The following SLC12A6 variants were observed in gnomAD, a reference collection of about 807,000 sequenced individuals.
SLC12A6 encodes K-Cl cotransporter 3.
A neutral mutation model predicts 135.3 loss-of-function variants in SLC12A6; 66 were observed. The observed-to-expected ratio is 0.49, with a 90% CI of 0.40 to 0.60. SLC12A6 has a LOEUF of 0.60. Ranked by LOEUF, SLC12A6 falls within the 20% of genes least tolerant of loss-of-function variation. The pLI, the probability that SLC12A6 is intolerant of heterozygous loss-of-function variation, is 0.00. For missense variants in SLC12A6, 1,058 were observed against 1,452.3 expected, an observed-to-expected ratio of 0.73 and a Z score of 4.41; for synonymous variants, 513 against 508.8, an observed-to-expected ratio of 1.01 and a Z score of -0.11.
In SLC12A6 at chr15:34,265,175, C is replaced by T. The variant is rs559769416; in HGVS notation, c.317-4155G>A. Among the ~76,000 whole-genome samples, 5 of 152,154 alleles carry T rather than the reference C, an allele frequency of 3.3e-5. 1 individual carries two copies. The highest frequency in any genetic ancestry group is 6.8e-3 in the Middle Eastern group (2 of 294). On this transcript the variant is annotated intron_variant, in intron 3 of 25. Transcript: ENST00000354181. Reference sequence around the variant, plus strand: ...TCGTGCCACTGCACTCCAGCCTGGGCGACAGAGCGAGACTCCGTCTCAAAA... The same window carrying T: ...TCGTGCCACTGCACTCCAGCCTGGGTGACAGAGCGAGACTCCGTCTCAAAA...
chr15:34,260,631 G>A (rs1300867497), intron 4 of SLC12A6, among the ~76,000 whole-genome samples: 1 of 152,192 alleles, frequency 6.6e-6, no homozygotes, highest in East Asian at 1.9e-4. Context: ...TTTATAGTTA[G>A]AAGAAAGATT....
intron 3 of SLC12A6, among the ~76,000 whole-genome samples, chr15:34,272,549 A>C (rs1457643762): frequency 1.3e-5 from 2 of 152,204 alleles, no homozygotes; most frequent in Admixed American, 1.3e-4. Context: ...CATACCTGAT[A>C]ATCTGGCCAG....
chr15:34,238,988 G>T lies in SLC12A6; in HGVS notation c.2609C>A (p.Ala870Asp), dbSNP rs1164438619. 27 of 1,614,054 alleles carry T rather than the reference G, an allele frequency of 1.7e-5. No individual in the cohort carries two copies. The highest frequency in any genetic ancestry group is 2.3e-5 in the Non-Finnish European group (27 of 1,179,914). The change falls in exon 20 of 26, where the codon GCC becomes GAC. Residue 870 changes from alanine (A) to aspartate (D), a missense_variant. By Grantham distance (126) the Ala-to-Asp change is moderately radical. Coordinates refer to ENST00000354181, the MANE Select transcript of SLC12A6 (RefSeq NM_001365088.1). ...WPNGWRQSED[A>D]RAWKTFIGTV... ...ACCAATAAAAGTCTTCCAAGCGCGG[G>T]CATCTTCGCTTTGACGCCAGCCATT...
chr15:34,234,866 G>A (rs533913154), intron 25 of SLC12A6, among the ~76,000 whole-genome samples: 10 of 152,290 alleles, frequency 6.6e-5, no homozygotes, highest in African/African-American at 7.2e-5. Flanking sequence ...TTTGCAAAGC[G>A]GGTAGAACCT....
chr15:34,260,079 A>G (rs1595450178), intron 4 of SLC12A6, among the ~76,000 whole-genome samples: 1 of 152,320 alleles, frequency 6.6e-6, no homozygotes, highest in East Asian at 1.9e-4. Context: ...GTCAAATTCA[A>G]ATATTTTCAC....
intron 2 of SLC12A6, among the ~76,000 whole-genome samples, chr15:34,278,165 G>A (rs1259686972): frequency 2.0e-5 from 3 of 152,170 alleles, no homozygotes; most frequent in South Asian, 2.1e-4. Context: ...AGCGGCTCAC[G>A]CCTGTAATTG....
chr15:34,282,274 C>A (rs989294917), intron 2 of SLC12A6, among the ~76,000 whole-genome samples: 1 of 152,174 alleles, frequency 6.6e-6, no homozygotes, highest in African/African-American at 2.4e-5. Context: ...AGTGTAATTT[C>A]TCATACCCTT....
chr15:34,284,392 C>G (rs567495003), intron 2 of SLC12A6, among the ~76,000 whole-genome samples: 40 of 150,620 alleles, frequency 2.7e-4, no homozygotes, highest in Non-Finnish European at 5.7e-4. Flanking sequence ...CCTGCCTCAG[C>G]CTCCCGAGTA....
chr15:34,246,032 A>G (rs1891964204), intron 13 of SLC12A6, among the ~76,000 whole-genome samples, 165 bp from the exon 14 acceptor site: 1 of 152,098 alleles, frequency 6.6e-6, no homozygotes, highest in Admixed American at 6.6e-5. Context: ...CCCCAAGTTC[A>G]AGCAATTCTC....
At chr15:34,291,016 C>A (rs951902128) in intron 2 of SLC12A6, among the ~76,000 whole-genome samples, 1 of 152,110 alleles carries the variant, frequency 6.6e-6, no homozygotes, top group South Asian at 2.1e-4. Flanking sequence ...TGAATTTGAT[C>A]CTGTCATTAT....
intron 3 of SLC12A6, among the ~76,000 whole-genome samples, chr15:34,272,779 T>C (rs1007073300): frequency 1.3e-4 from 20 of 152,216 alleles, no homozygotes; most frequent in African/African-American, 4.8e-4. Context: ...AAATCCAGCT[T>C]AGTAATACTA....
chr15:34,324,004 A>C (rs1277499399), intron 2 of SLC12A6, among the ~76,000 whole-genome samples: 1 of 151,492 alleles, frequency 6.6e-6, no homozygotes, highest in Non-Finnish European at 1.5e-5. Context: ...AAATGGCACA[A>C]TCATTTTGGA....
intron 3 of SLC12A6, among the ~76,000 whole-genome samples, chr15:34,274,471 G>C (rs887813321): frequency 6.6e-6 from 1 of 152,066 alleles, no homozygotes; most frequent in Non-Finnish European, 1.5e-5. Context: ...CCTCATCAGG[G>C]TATGTTTCTT....
intron 2 of SLC12A6, 124 bp from the exon 3 acceptor site, chr15:34,275,513 T>A (rs548305575): frequency 1.5e-6 from 1 of 664,668 alleles, no homozygotes; most frequent in Admixed American, 2.2e-5. Flanking sequence ...TTATGAAATA[T>A]TAATGTGAAG....
intron 2 of SLC12A6, among the ~76,000 whole-genome samples, chr15:34,320,769 T>C (rs1242408195): frequency 6.6e-6 from 1 of 150,562 alleles, no homozygotes; most frequent in South Asian, 2.1e-4. Flanking sequence ...ACAAAAATCT[T>C]AGCCAGGCGT....
At chr15:34,314,769 C>A (rs1888514040) in intron 2 of SLC12A6, 1 of 152,146 alleles carries the variant, frequency 6.6e-6, no homozygotes, top group African/African-American at 2.4e-5. Context: ...CTGATCATAA[C>A]CAGTTACAGA....
intron 2 of SLC12A6, 74 bp from the exon 3 acceptor site, chr15:34,275,463 C>T (rs1199105525): frequency 2.4e-6 from 2 of 846,974 alleles, no homozygotes; most frequent in African/African-American, 1.7e-5. Flanking sequence ...AAATCAGCAA[C>T]AAAAGTCAAC....
chr15:34,284,389 C>T (rs540409653), intron 2 of SLC12A6, among the ~76,000 whole-genome samples: 1 of 148,722 alleles, frequency 6.7e-6, no homozygotes, highest in East Asian at 2.0e-4. Flanking sequence ...TCTCCTGCCT[C>T]AGCCTCCCGA....
At position 34,252,124 on chromosome 15, in the gene SLC12A6, T is replaced by TC. The variant is rs779355940; in HGVS notation, c.1333+45dup. On this transcript the variant is annotated intron_variant, in intron 10 of 25. Coordinates refer to ENST00000354181, the MANE Select transcript of SLC12A6 (RefSeq NM_001365088.1). ...GAATCTAAGATGACAAGGCCTATTTTCCCCAGAAAATAGGAAAAAACTTGT... is the reference window on the plus strand; with the variant it reads ...GAATCTAAGATGACAAGGCCTATTTTCCCCCAGAAAATAGGAAAAAACTTGT... 8.3e-6 allele frequency: 8 copies of TC among 968,906 alleles called. No individual in the cohort carries two copies. The Admixed American group carries it at 1.4e-4, about 18-fold the overall frequency. 60.0% of individuals were successfully genotyped at this position (968,906 alleles called of 1,614,324 possible). A position where few individuals can be genotyped will look rare whatever the true frequency, so the allele number is the denominator to read the frequency against.
Sources: allele counts gnomAD v4.1 joint callset (sites outside exome capture counted in the v4.1 genomes callset), GRCh38; gene constraint gnomAD v4.1.1; transcripts MANE v1.5; gene names NCBI Gene and HGNC (gene_info 2026-07-23, HGNC 2026-07-21).